Variants in CHRM3 observed in about 807,000 individuals in gnomAD.
CHRM3 encodes the protein cholinergic receptor muscarinic 3.
A neutral mutation model predicts 41.8 loss-of-function variants in CHRM3; 11 were observed. The ratio of observed to expected loss-of-function variants is 0.26; its 90% confidence interval spans 0.17 to 0.44. CHRM3 has a LOEUF of 0.44. Ranked by LOEUF, CHRM3 falls within the 20% of genes least tolerant of loss-of-function variation. CHRM3 has a pLI of 1.00. For missense variants in CHRM3, 571 were observed against 745.4 expected (o/e 0.77, Z 2.72); for synonymous variants, 297 against 301.4 (o/e 0.99, Z 0.15).
rs1025185730 is a variant in CHRM3, at chr1:239,910,165, C to A, written c.*941C>A. On this transcript the variant is annotated 3_prime_UTR_variant, in exon 7 of 7. Transcript: ENST00000676153. ...ATGTCTCAACAGAGCTAAATCGGGG[C>A]CCCTCTGAGCTCAAAGAATGAACCA... 1 of 166,852 alleles carries A rather than the reference C, an allele frequency of 6.0e-6. No individual in the cohort carries two copies. The highest frequency in any genetic ancestry group is 2.4e-5 in the African/African-American group (1 of 41,356). The allele number at this position is 166,852 out of a possible 1,614,324, so 10.3% of individuals were successfully genotyped here.
rs1010262621 is a variant in CHRM3 at position 239,667,821 on chromosome 1, G to A, written c.-249-10365G>A. Among the ~76,000 whole-genome samples the A allele has an allele frequency of 4.6e-5, 7 of 152,088 alleles. No homozygotes were observed. In the East Asian group the frequency reaches 1.4e-3, roughly 30 times the overall value. On this transcript the variant is annotated intron_variant, in intron 4 of 6. Coordinates refer to ENST00000676153, the MANE Select transcript of CHRM3 (RefSeq NM_001375978.1). The stretch of plus-strand genomic sequence containing the variant: ...AATCCAACACAAATCACCTTTCTCT[G>A]TCATGTCTTTTATTGTCTTCCCATA...
intron 5 of CHRM3, among the ~76,000 whole-genome samples, chr1:239,810,975 G>T (rs994276490): frequency 1.3e-5 from 2 of 152,214 alleles, no homozygotes; most frequent in African/African-American, 4.8e-5. Flanking sequence ...CATAAGTTTT[G>T]TCTCTAAAAG....
chr1:239,813,605 T>A (rs761737444), intron 5 of CHRM3, among the ~76,000 whole-genome samples: 10 of 151,984 alleles, frequency 6.6e-5, no homozygotes, highest in Non-Finnish European at 1.3e-4. Context: ...CCCAAGAAAG[T>A]GAAGTAACAG....
At chr1:239,411,262 C>T (rs1475235795) in intron 1 of CHRM3, among the ~76,000 whole-genome samples, 2 of 152,118 alleles carry the variant, frequency 1.3e-5, no homozygotes, top group African/African-American at 4.8e-5. Flanking sequence ...CAGGATTTTG[C>T]TTGGCCTCCT....
At chr1:239,805,504 G>A (rs564923756) in intron 5 of CHRM3, among the ~76,000 whole-genome samples, 1 of 152,238 alleles carries the variant, frequency 6.6e-6, no homozygotes, top group Non-Finnish European at 1.5e-5. Context: ...GGGAAGAGGG[G>A]ACAATAGAAG....
intron 3 of CHRM3, among the ~76,000 whole-genome samples, chr1:239,567,968 A>T (rs917163237): frequency 6.6e-6 from 1 of 152,108 alleles, no homozygotes; most frequent in African/African-American, 2.4e-5. Context: ...TTTGGCTCCT[A>T]CTAGGCTCTT....
chr1:239,407,485 T>G (rs1425481545), intron 1 of CHRM3, among the ~76,000 whole-genome samples: 1 of 149,316 alleles, frequency 6.7e-6, no homozygotes, highest in Non-Finnish European at 1.5e-5. Flanking sequence ...CTCAGGAGGG[T>G]GGGCTCTTAA....
In CHRM3 at chr1:239,750,617, T is replaced by G. The variant is rs552302434; in HGVS notation, c.-147+72329T>G. Among the ~76,000 whole-genome samples the G allele has an allele frequency of 1.4e-4, 21 of 152,324 alleles. No homozygotes were observed. In the East Asian group the frequency reaches 4.1e-3, roughly 30 times the overall value. ...GTGTAAACAGATTGTAACCTAGTCT[T>G]GCGTTAATCACAGAGTTTCAGCCAA... On this transcript the variant is annotated intron_variant, in intron 5 of 6. Transcript: ENST00000676153.
intron 4 of CHRM3, among the ~76,000 whole-genome samples, chr1:239,649,365 C>T (rs116701802): frequency 2.1e-3 from 315 of 152,222 alleles, no homozygotes; most frequent in African/African-American, 6.9e-3. Context: ...GAATCATGAG[C>T]GATACATTTC....
intron 5 of CHRM3, chr1:239,714,259 C>T (rs1228990036): frequency 2.0e-5 from 3 of 152,132 alleles, no homozygotes; most frequent in African/African-American, 4.8e-5. Flanking sequence ...TCATGGAGCT[C>T]GTCATCTAAA....
intron 5 of CHRM3, among the ~76,000 whole-genome samples, chr1:239,794,656 G>T (rs1254468963): frequency 1.3e-5 from 2 of 152,018 alleles, no homozygotes; most frequent in Non-Finnish European, 2.9e-5. Context: ...AAATTCGGTG[G>T]CTTATTTCAG....
At chr1:239,424,219 T>C (rs528547373) in intron 1 of CHRM3, among the ~76,000 whole-genome samples, 2 of 152,120 alleles carry the variant, frequency 1.3e-5, no homozygotes, top group Non-Finnish European at 2.9e-5. Context: ...CAATGAGTGG[T>C]GTATCCTCCT....
chr1:239,663,893 G>T (rs1044975492), intron 4 of CHRM3, among the ~76,000 whole-genome samples: 7 of 152,068 alleles, frequency 4.6e-5, no homozygotes, highest in African/African-American at 1.7e-4. Context: ...CACATAGCTA[G>T]GGAACCAGTA....
chr1:239,809,417 T>C (rs1670936246), intron 5 of CHRM3, among the ~76,000 whole-genome samples: 1 of 152,126 alleles, frequency 6.6e-6, no homozygotes, highest in Non-Finnish European at 1.5e-5. Flanking sequence ...CACTTCCTCA[T>C]TTTTTTCTTT....
chr1:239,409,681 G>A (rs1182522048), intron 1 of CHRM3, among the ~76,000 whole-genome samples: 1 of 152,172 alleles, frequency 6.6e-6, no homozygotes, highest in Non-Finnish European at 1.5e-5. Flanking sequence ...ATCTCTAAAA[G>A]ATAGCGGAAT....
chr1:239,795,132 A>C (rs1382993977), intron 5 of CHRM3, among the ~76,000 whole-genome samples: 2 of 152,106 alleles, frequency 1.3e-5, no homozygotes, highest in Non-Finnish European at 2.9e-5. Context: ...TATTTTTTTT[A>C]ACTGAAAGAA....
chr1:239,532,670 G>A (rs1373759845), intron 2 of CHRM3, among the ~76,000 whole-genome samples: 2 of 149,634 alleles, frequency 1.3e-5, no homozygotes, highest in Non-Finnish European at 3.0e-5. Context: ...ACTTGATAAA[G>A]TTTAACATTA....
intron 5 of CHRM3, among the ~76,000 whole-genome samples, chr1:239,798,820 T>C (rs575075088): frequency 6.6e-6 from 1 of 152,304 alleles, no homozygotes; most frequent in South Asian, 2.1e-4. Flanking sequence ...TAGGTGCTGG[T>C]AAGTAGAAAT....
At chr1:239,749,147 C>T (rs942034827) in intron 5 of CHRM3, among the ~76,000 whole-genome samples, 1 of 152,186 alleles carries the variant, frequency 6.6e-6, no homozygotes, top group Non-Finnish European at 1.5e-5. Flanking sequence ...CACTATTCGT[C>T]AAAGAAAGAC....
Sources: allele counts gnomAD v4.1 joint callset (sites outside exome capture counted in the v4.1 genomes callset), GRCh38; gene constraint gnomAD v4.1.1; transcripts MANE v1.5; gene names NCBI Gene and HGNC (gene_info 2026-07-23, HGNC 2026-07-21).